The following WDR4 variants were observed in gnomAD, a reference collection of about 807,000 sequenced individuals.
The protein encoded by WDR4 is tRNA (guanine-N(7)-)-methyltransferase non-catalytic subunit WDR4.
Under a neutral mutation model 48.6 loss-of-function variants are expected in WDR4, and 47 were observed. The observed-to-expected ratio is 0.97, with a 90% confidence interval of 0.77 to 1.23. The LOEUF is 1.23. Among genes scored for constraint, WDR4 ranks in the 50% most tolerant of loss-of-function variants. The pLI is 0.00. For synonymous variants in WDR4, 268 were observed against 230.0 expected (o/e 1.17, Z -1.49); for missense variants, 606 against 551.6 (o/e 1.10, Z -0.99).
intron 8 of WDR4, 47 bp from the exon 9 acceptor site, chr21:42,853,799 G>C (rs375285955): frequency 6.6e-7 from 1 of 1,519,384 alleles, no homozygotes; most frequent in Non-Finnish European, 8.8e-7. Context: ...GCAGGCCCAC[G>C]GGCTCCGCTC....
chr21:42,856,293 C>A (rs1273221334), intron 6 of WDR4, among the ~76,000 whole-genome samples: 1 of 152,248 alleles, frequency 6.6e-6, no homozygotes, highest in African/African-American at 2.4e-5. Context: ...CTGGTACAAC[C>A]CTTCAGGAAG....
the WDR4 span, among the ~76,000 whole-genome samples, chr21:42,887,476 C>T: frequency 6.6e-6 from 1 of 151,926 alleles, no homozygotes; most frequent in South Asian, 2.1e-4. Context: ...CAATTTGGAG[C>T]GACTTAACTG....
chr21:42,879,589 T>C (rs1569341407), upstream of WDR4: 23 of 1,488,788 alleles, frequency 1.5e-5, no homozygotes, highest in Non-Finnish European at 1.7e-5. Flanking sequence ...CGCCGAGAGA[T>C]GACGTATACC....
At chr21:42,882,839 C>T (rs191685210), upstream of WDR4, among the ~76,000 whole-genome samples, 63 of 152,238 alleles carry the variant, frequency 4.1e-4, 1 homozygote, top group Admixed American at 3.8e-3. Flanking sequence ...TGGCTAACGC[C>T]TGTAATCCCA....
downstream of WDR4, among the ~76,000 whole-genome samples, chr21:42,849,061 C>CCTCA (rs2057748946): frequency 7.7e-6 from 1 of 129,174 alleles, no homozygotes; most frequent in Non-Finnish European, 1.6e-5. Flanking sequence ...GCGGCGTGCA[C>CCTCA]CACACACACA....
chr21:42,884,636 G>A, the WDR4 span, among the ~76,000 whole-genome samples: 2 of 151,120 alleles, frequency 1.3e-5, no homozygotes, highest in African/African-American at 4.9e-5. Flanking sequence ...AACAGAGCCA[G>A]ACTCCACCTC....
At chr21:42,857,281 C>G (rs1602710388) in intron 6 of WDR4, among the ~76,000 whole-genome samples, 1 of 152,114 alleles carries the variant, frequency 6.6e-6, no homozygotes. Flanking sequence ...CCCCAGGGGA[C>G]AGACCTGGGC....
In WDR4 at chr21:42,864,019, A is replaced by G. The variant is rs958845263; in HGVS notation, c.297-423T>C. On this transcript the variant is annotated intron_variant, in intron 3 of 10. Transcript: ENST00000398208. ...CTACTCGGGAGGCTGAGGCGGGAGA[A>G]TGGCGTGAACCCGGGAGGCGGAGCT... Among the ~76,000 whole-genome samples, 50 of 80,474 alleles carry G rather than the reference A, an allele frequency of 6.2e-4. 12 individuals are homozygous for G. Among genetic ancestry groups the G allele is most frequent in the Admixed American group, 4.6e-3 (48 of 10,480 alleles). The allele number at this position is 80,474 out of a possible 152,430, so 52.8% of individuals were successfully genotyped here.
chr21:42,885,563 C>T, the WDR4 span, among the ~76,000 whole-genome samples: 1 of 151,596 alleles, frequency 6.6e-6, no homozygotes. Flanking sequence ...GAGCTGAGAT[C>T]GCACCATTGC....
At chr21:42,846,276 G>A (rs563265776), downstream of WDR4, among the ~76,000 whole-genome samples, 6 of 152,190 alleles carry the variant, frequency 3.9e-5, no homozygotes, top group Non-Finnish European at 7.3e-5. Flanking sequence ...GGCATACAGA[G>A]CACTGAGAAT....
At chr21:42,879,940 A>G, upstream of WDR4, 1 of 397,522 alleles carries the variant, frequency 2.5e-6, no homozygotes, top group Non-Finnish European at 4.4e-6. Flanking sequence ...GAGCAGCCTG[A>G]CCAATATGGT....
the WDR4 span, among the ~76,000 whole-genome samples, chr21:42,886,528 T>G: frequency 8.1e-4 from 123 of 152,340 alleles, 2 homozygotes; most frequent in East Asian, 0.019. Context: ...TGAATTCATT[T>G]CAATGATGTT....
chr21:42,889,162 T>A, the WDR4 span, among the ~76,000 whole-genome samples: 1 of 151,526 alleles, frequency 6.6e-6, no homozygotes, highest in South Asian at 2.1e-4. Flanking sequence ...TTTGTATTTT[T>A]AGTAGAGACG....
chr21:42,847,172 A>C (rs1194174320), downstream of WDR4, among the ~76,000 whole-genome samples: 2 of 152,246 alleles, frequency 1.3e-5, no homozygotes, highest in African/African-American at 4.8e-5. Context: ...AAATTGAAGG[A>C]GTGAGATCCT....
At position 42,854,585 on chromosome 21, in the gene WDR4, G is replaced by C. The variant is rs757740830; in HGVS notation, c.768C>G (p.Asn256Lys). 1 of 1,613,880 alleles carries C rather than the reference G, an allele frequency of 6.2e-7. No individual in the cohort carries two copies. The highest frequency in any genetic ancestry group is 8.5e-7 in the Non-Finnish European group (1 of 1,179,956). Residue 256 changes from asparagine to lysine, a missense_variant, in exon 8 of 11, where the codon AAC becomes AAG. Coordinates refer to ENST00000398208, the MANE Select transcript of WDR4 (RefSeq NM_018669.6). The stretch of plus-strand genomic sequence containing the variant: ...ACCCGTCGCACAGGAGCGCCACGCA[G>C]TTCTCCTGGCACCAGAATGCAATCC... ...ASRIAFWCQENCVALLCDGTP... is the reference protein window; with the variant it reads ...ASRIAFWCQEKCVALLCDGTP...
chr21:42,844,421 T>C (rs775157609), downstream of WDR4, among the ~76,000 whole-genome samples: 5 of 151,940 alleles, frequency 3.3e-5, no homozygotes, highest in Non-Finnish European at 5.9e-5. Flanking sequence ...ATAGAAACAT[T>C]TAACACGAAG....
In WDR4 at chr21:42,863,576, G is replaced by A. The variant is rs373389984; in HGVS notation, c.317C>T (p.Thr106Ile). 35 of 1,613,696 alleles carry A rather than the reference G, an allele frequency of 2.2e-5. No homozygotes were observed. Among genetic ancestry groups the A allele is most frequent in the African/African-American group, 5.3e-5 (4 of 74,804 alleles). ...LSVRTVARRC[T>I]ALTFIASEEK... ...CTCCGAGGCTATGAAAGTCAGGGCT[G>A]TACACCTCCTTGCCACGGTCCTAGA... Residue 106 changes from threonine (T) to isoleucine (I), a missense_variant, in exon 4 of 11, where the codon ACA (threonine) becomes ATA (isoleucine). Physicochemically the swap from Thr to Ile is moderately conservative, Grantham distance 89. Coordinates refer to ENST00000398208, the MANE Select transcript of WDR4 (RefSeq NM_018669.6).
At chr21:42,891,425 CT>C in the WDR4 span, among the ~76,000 whole-genome samples, 1 of 151,920 alleles carries the variant, frequency 6.6e-6, no homozygotes, top group Non-Finnish European at 1.5e-5. Context: ...GAGGTCTTTT[CT>C]TTTTGTTTCT....
Position 42,873,437 on chromosome 21 carries a change from T to A in WDR4, c.296+114A>T. 2.1e-6 allele frequency: 3 copies of A among 1,451,210 alleles called. No homozygotes were observed. In the Admixed American group the frequency reaches 5.6e-5, roughly 27 times the overall value. 89.9% of individuals were successfully genotyped at this position (1,451,210 alleles called of 1,614,324 possible). On this transcript the variant is annotated intron_variant, in intron 3 of 10. Transcript: ENST00000398208. ...GTGGTGTCTGGCACTGAACTGCGGC[T>A]CCGTGTCAACCACTTATCACCCTTA...
Sources: allele counts gnomAD v4.1 joint callset (sites outside exome capture counted in the v4.1 genomes callset), GRCh38; gene constraint gnomAD v4.1.1; transcripts MANE v1.5; gene names NCBI Gene and HGNC (gene_info 2026-07-23, HGNC 2026-07-21).